The following CWC15 variants were observed in gnomAD, a reference collection of about 807,000 sequenced individuals.
The protein encoded by CWC15 is spliceosome-associated protein CWC15 homolog.
A neutral mutation model predicts 28.4 loss-of-function variants in CWC15; 12 were observed. The observed-to-expected ratio is 0.42, with a 90% CI of 0.27 to 0.69. CWC15 has a LOEUF of 0.69. CWC15 is among the 30% of genes least tolerant of loss of function. The pLI is 0.23. For synonymous variants in CWC15, 92 were observed against 88.4 expected (o/e 1.04, Z -0.23); for missense variants, 192 against 271.5 (o/e 0.71, Z 2.06).
intron 3 of CWC15, 30 bp from the exon 4 acceptor site, chr11:94,971,095 G>A: frequency 1.3e-6 from 2 of 1,558,932 alleles, no homozygotes; most frequent in Non-Finnish European, 1.8e-6. Flanking sequence ...ATTTAACTTA[G>A]TAAAACAAAT....
intron 5 of CWC15, among the ~76,000 whole-genome samples, chr11:94,969,162 C>T (rs1555095778): frequency 6.6e-6 from 1 of 152,140 alleles, no homozygotes; most frequent in African/African-American, 2.4e-5. Context: ...CTCCCCTTCC[C>T]ACTTTGACCT....
At chr11:94,966,224 TATACACACACACACAC>T (rs1565412962) in intron 6 of CWC15, 55 bp downstream of exon 6, 4 of 734,104 alleles carry the variant, frequency 5.4e-6, no homozygotes, top group Admixed American at 2.9e-5. Context: ...CACATACACA[TATACACACACACACAC>T]ACACACACAC....
At chr11:94,966,908 G>C (rs1857654286) in intron 5 of CWC15, among the ~76,000 whole-genome samples, 1 of 152,062 alleles carries the variant, frequency 6.6e-6, no homozygotes, top group African/African-American at 2.4e-5. Flanking sequence ...TGTGTCTCTA[G>C]GTTTGGTGAC....
chr11:94,969,989 C>T lies in CWC15; in HGVS notation c.441G>A (p.Lys147=). 3 of 1,514,670 alleles carry T rather than the reference C, an allele frequency of 2.0e-6. No individual in the cohort carries two copies. Among genetic ancestry groups the T allele is most frequent in the East Asian group, 4.9e-5 (2 of 40,890 alleles). The allele number at this position is 1,514,670 out of a possible 1,614,324, so 93.8% of individuals were successfully genotyped here. A position where few individuals can be genotyped will look rare whatever the true frequency, so the allele number is the denominator to read the frequency against. Residue 147 remains lysine (K), a splice_region_variant and synonymous_variant, in exon 5 of 7, where the codon AAG becomes AAA. Coordinates refer to ENST00000279839, the MANE Select transcript of CWC15 (RefSeq NM_016403.4). ...KKERAEEQAR[K]EQEQKAEEER... is the part of the protein sequence containing the mutation. Reference sequence around the variant, plus strand: ...TAAATATTTAATACTTTGGTTTTACCTTCCTGGCCTGCTCTTCAGCTCTTT... The same window carrying T: ...TAAATATTTAATACTTTGGTTTTACTTTCCTGGCCTGCTCTTCAGCTCTTT...
chr11:94,963,457 TTTC>T lies in CWC15; in HGVS notation c.615_617del (p.Lys206del). On this transcript the variant is annotated inframe_deletion, in exon 7 of 7. Coordinates refer to ENST00000279839, the MANE Select transcript of CWC15 (RefSeq NM_016403.4). The stretch of plus-strand genomic sequence containing the variant: ...GTGTGTCATTTACAAATCTTTTGTC[TTTC>T]TTCTGGTCATCTACACCTTTTGCAC... 6.3e-7 allele frequency: 1 copy of T among 1,582,884 alleles called. No individual in the cohort carries two copies. The highest frequency in any genetic ancestry group is 8.6e-7 in the Non-Finnish European group (1 of 1,162,386).
chr11:94,971,484 C>G lies in CWC15; in HGVS notation c.135G>C (p.Gln45His). ...LPSHTKIKYR[Q>H]TTQDAPEEVR... Reference sequence around the variant, plus strand: ...CCTCTTCAGGGGCATCCTGAGTAGTCTGTCTAAAGTAGAAACAAACCAGGG... The same window carrying G: ...CCTCTTCAGGGGCATCCTGAGTAGTGTGTCTAAAGTAGAAACAAACCAGGG... The change falls in exon 3 of 7, where the codon CAG becomes CAC. Residue 45 changes from glutamine to histidine, a missense_variant. This residue lies in a region of CWC15 where 188 missense variants were observed against 250.3 expected (regional missense o/e 0.75). Coordinates refer to ENST00000279839, the MANE Select transcript of CWC15 (RefSeq NM_016403.4). 1 of 1,600,672 alleles carries G rather than the reference C, an allele frequency of 6.2e-7. No homozygotes were observed. The highest frequency in any genetic ancestry group is 8.5e-7 in the Non-Finnish European group (1 of 1,171,820).
intron 6 of CWC15, among the ~76,000 whole-genome samples, chr11:94,964,640 C>T (rs782613153): frequency 1.3e-5 from 2 of 152,146 alleles, no homozygotes; most frequent in South Asian, 2.1e-4. Context: ...TATTTGTCCT[C>T]GATGATCACT....
intron 2 of CWC15, 48 bp from the exon 3 acceptor site, chr11:94,971,535 C>T (rs781975750): frequency 9.6e-7 from 1 of 1,041,782 alleles, no homozygotes; most frequent in Admixed American, 2.1e-5. Flanking sequence ...AACACACACA[C>T]ACACACACAC....
Position 94,963,578 on chromosome 11 carries a change from T to C in CWC15, c.561-64A>G, listed in dbSNP as rs1191414794. ...TGTATCAGGAGACAAGAATACTACA[T>C]GCACTGCAAGGCTTAGTCAGTTACA... On this transcript the variant is annotated intron_variant, in intron 6 of 6. Coordinates refer to ENST00000279839, the MANE Select transcript of CWC15 (RefSeq NM_016403.4). 3.5e-6 allele frequency: 5 copies of C among 1,436,414 alleles called. No individual in the cohort carries two copies. In the African/African-American group the frequency reaches 5.7e-5, roughly 16 times the overall value. The allele number at this position is 1,436,414 out of a possible 1,614,324, so 89.0% of individuals were successfully genotyped here.
intron 5 of CWC15, among the ~76,000 whole-genome samples, chr11:94,967,978 A>G (rs1196993894): frequency 1.3e-5 from 2 of 152,212 alleles, no homozygotes; most frequent in African/African-American, 4.8e-5. Flanking sequence ...TGTTTGGAAT[A>G]TTATTTCCTT....
chr11:94,969,026 T>C (rs1857683158), intron 5 of CWC15, among the ~76,000 whole-genome samples: 1 of 152,222 alleles, frequency 6.6e-6, no homozygotes, highest in African/African-American at 2.4e-5. Flanking sequence ...TGCCTAAATA[T>C]GGCAATTCTT....
At position 94,966,379 on chromosome 11, in the gene CWC15, C is replaced by G; in HGVS notation, c.476G>C (p.Arg159Pro). The G allele has an allele frequency of 6.4e-7, 1 of 1,554,828 alleles. No individual in the cohort carries two copies. Among genetic ancestry groups the G allele is most frequent in the Non-Finnish European group, 8.7e-7 (1 of 1,148,356 alleles). ...GTTTCCGCTCAGAATGTTTTCCATA[C>G]GAATCCTCTCTTCTTCAGCTTTTTG... ...QEQKAEEERI[R>P]MENILSGNPL... Residue 159 changes from arginine (R) to proline (P), a missense_variant, in exon 6 of 7, where the codon CGT (arginine) becomes CCT (proline). This residue lies in a region of CWC15 where 188 missense variants were observed against 250.3 expected (regional missense o/e 0.75). Transcript: ENST00000279839.
intron 6 of CWC15, 33 bp downstream of exon 6, chr11:94,966,261 AC>A: frequency 1.1e-6 from 1 of 944,478 alleles, no homozygotes; most frequent in East Asian, 2.7e-5. Flanking sequence ...ACACACACAC[AC>A]ACACACTCCA....
Position 94,963,522 on chromosome 11 carries a change from A to G in CWC15, c.561-8T>C, listed in dbSNP as rs1257114154. On this transcript the variant is annotated splice_polypyrimidine_tract_variant and splice_region_variant and intron_variant, in intron 6 of 6. Coordinates refer to ENST00000279839, the MANE Select transcript of CWC15 (RefSeq NM_016403.4). ...ACAACGTCATCATCCCACCTGAGGA[A>G]AAAAAAGCAAACAGAACGTCTGAAA... The G allele has an allele frequency of 6.4e-7, 1 of 1,556,916 alleles. No homozygotes were observed. The highest frequency in any genetic ancestry group is 8.7e-7 in the Non-Finnish European group (1 of 1,150,990).
At chr11:94,973,366 T>C (rs1354687050) in intron 1 of CWC15, 132 bp downstream of exon 1, 1 of 152,558 alleles carries the variant, frequency 6.6e-6, no homozygotes, top group Admixed American at 6.5e-5. Context: ...AGGCACTCGG[T>C]TCCGCCCCTA....
rs1555096321 is a variant in CWC15, at chr11:94,972,111, T to C, written c.75A>G (p.Gln25=). The C allele has an allele frequency of 1.2e-6, 2 of 1,613,844 alleles. No individual in the cohort carries two copies. Among genetic ancestry groups the C allele is most frequent in the Admixed American group, 1.7e-5 (1 of 60,024 alleles). The part of the protein sequence containing the change: ...GRGKGEGDLS[Q]LSKQYSSRDL... ...CTCTGCTTGAATACTGCTTTGAAAG[T>C]TGGCTCAAATCACCTTCTCCTTTTC... The change falls in exon 2 of 7, where the codon CAA becomes CAG. Residue 25 remains glutamine (Q), a synonymous_variant. Transcript: ENST00000279839.
rs782469545 is a variant in CWC15, at chr11:94,963,445, A to G, written c.630T>C (p.Phe210=). The G allele has an allele frequency of 2.5e-6, 4 of 1,583,600 alleles. No individual in the cohort carries two copies. The South Asian group carries it at 4.6e-5, about 18-fold the overall frequency. ...ATTCAGATCGCAGTGTGTCATTTACAAATCTTTTGTCTTTCTTCTGGTCAT... is the reference window on the plus strand; with the variant it reads ...ATTCAGATCGCAGTGTGTCATTTACGAATCTTTTGTCTTTCTTCTGGTCAT... ...GVDDQKKDKR[F]VNDTLRSEFH... is the part of the protein sequence containing the mutation. The change falls in exon 7 of 7, where the codon TTT becomes TTC. Residue 210 remains phenylalanine, a synonymous_variant. Coordinates refer to ENST00000279839, the MANE Select transcript of CWC15 (RefSeq NM_016403.4).
intron 1 of CWC15, among the ~76,000 whole-genome samples, chr11:94,973,053 G>GGC (rs782711333): frequency 2.0e-5 from 3 of 151,574 alleles, no homozygotes; most frequent in East Asian, 3.9e-4. Flanking sequence ...TTTTTGGGGG[G>GGC]GGGGCGATGC....
intron 5 of CWC15, 73 bp downstream of exon 5, chr11:94,969,916 C>A (rs1412131725): frequency 1.2e-5 from 10 of 859,646 alleles, no homozygotes; most frequent in Non-Finnish European, 1.5e-5. Context: ...GAAGATATTA[C>A]TTATATTCAA....
Sources: gnomAD v4.1 joint callset for allele counts (sites outside exome capture counted in the v4.1 genomes callset) on GRCh38, gnomAD v4.1.1 for gene constraint, gnomAD v4.1.1 regional missense constraint, MANE v1.5 for transcripts, NCBI Gene and HGNC (gene_info 2026-07-23, HGNC 2026-07-21) for gene names.